The following TRIM27 variants were observed in gnomAD, a reference collection of about 807,000 sequenced individuals.
TRIM27 encodes the protein zinc finger protein RFP.
In TRIM27, 12 loss-of-function variants were observed where a neutral mutation model predicts 57.6. That is an observed-to-expected ratio of 0.21 (90% confidence interval 0.13 to 0.34). TRIM27 has a LOEUF of 0.34. Ranked by LOEUF, TRIM27 falls within the 10% of genes least tolerant of loss-of-function variation. The pLI is 1.00. For missense variants in TRIM27, 403 were observed against 656.8 expected, an observed-to-expected ratio of 0.61 and a Z score of 4.22; for synonymous variants, 266 against 259.0, an observed-to-expected ratio of 1.03 and a Z score of -0.26.
Position 28,923,284 on chromosome 6 carries a change from C to T in TRIM27, c.349G>A (p.Val117Met). ...CGGTGCTCGCGGGAGCGGTCGCACACCACGCAGATGGGCATCTGGTCCTCC... is the reference window on the plus strand; with the variant it reads ...CGGTGCTCGCGGGAGCGGTCGCACATCACGCAGATGGGCATCTGGTCCTCC... The part of the protein sequence containing the change: ...CEEDQMPICV[V>M]CDRSREHRGH... Residue 117 changes from valine to methionine, a missense_variant, in exon 1 of 8, where the codon GTG becomes ATG. Coordinates refer to ENST00000377199, the MANE Select transcript of TRIM27 (RefSeq NM_006510.5). 1 of 1,611,638 alleles carries T rather than the reference C, an allele frequency of 6.2e-7. No homozygotes were observed. The highest frequency in any genetic ancestry group is 8.5e-7 in the Non-Finnish European group (1 of 1,179,404).
At chr6:28,908,928 T>C (rs1481806220) in intron 5 of TRIM27, 45 bp downstream of exon 5, 2 of 1,598,032 alleles carry the variant, frequency 1.3e-6, no homozygotes, top group Non-Finnish European at 1.7e-6. Context: ...ATGCAGATAC[T>C]CAGTATAAAT....
At chr6:28,909,913 T>C (rs1483595789) in intron 4 of TRIM27, among the ~76,000 whole-genome samples, 4 of 152,126 alleles carry the variant, frequency 2.6e-5, no homozygotes, top group Non-Finnish European at 5.9e-5. Flanking sequence ...AGATGTGACC[T>C]TGTGACTAAG....
chr6:28,920,442 C>A (rs1773936117), intron 2 of TRIM27, among the ~76,000 whole-genome samples, 200 bp from the exon 3 acceptor site: 1 of 152,064 alleles, frequency 6.6e-6, no homozygotes, highest in Non-Finnish European at 1.5e-5. Flanking sequence ...AAGACATAGT[C>A]CCTGTTCTCA....
chr6:28,919,245 T>C (rs115060784), intron 3 of TRIM27, among the ~76,000 whole-genome samples: 7,738 of 152,100 alleles, frequency 0.051, 290 homozygotes, highest in African/African-American at 0.094. Context: ...TCCTAGACCT[T>C]GTGATCCACC....
intron 3 of TRIM27, among the ~76,000 whole-genome samples, chr6:28,919,090 T>C (rs1284920015): frequency 1.3e-5 from 2 of 151,994 alleles, no homozygotes; most frequent in Non-Finnish European, 2.9e-5. Context: ...CTTGGCTCAC[T>C]GCAACCACTT....
intron 3 of TRIM27, among the ~76,000 whole-genome samples, chr6:28,918,296 C>A (rs1773764571): frequency 6.6e-6 from 1 of 152,156 alleles, no homozygotes; most frequent in Non-Finnish European, 1.5e-5. Context: ...ATTACAACCC[C>A]TTAACAGTTG....
intron 2 of TRIM27, among the ~76,000 whole-genome samples, chr6:28,920,462 G>A (rs1022699743): frequency 2.0e-5 from 3 of 152,170 alleles, no homozygotes; most frequent in Non-Finnish European, 4.4e-5. Context: ...AAGCAACTCA[G>A]AGAAGTGAGT....
intron 4 of TRIM27, among the ~76,000 whole-genome samples, chr6:28,909,347 T>C (rs1235101074): frequency 6.6e-6 from 1 of 152,182 alleles, no homozygotes; most frequent in Non-Finnish European, 1.5e-5. Flanking sequence ...CCTCAGGTGA[T>C]CCTCCCGCCT....
chr6:28,903,761 C>A lies in TRIM27; in HGVS notation c.*309G>T. The A allele has an allele frequency of 2.6e-6, 1 of 382,548 alleles. No homozygotes were observed. The highest frequency in any genetic ancestry group is 4.7e-6 in the Non-Finnish European group (1 of 212,944). The allele number at this position is 382,548 out of a possible 1,614,324, so 23.7% of individuals were successfully genotyped here. A position where few individuals can be genotyped will look rare whatever the true frequency, so the allele number is the denominator to read the frequency against. ...GCCAAGAAGCTGGAAGTATCTTGAACGGCTCTCCAAATCCAAAGATTATCC... is the reference window on the plus strand; with the variant it reads ...GCCAAGAAGCTGGAAGTATCTTGAAAGGCTCTCCAAATCCAAAGATTATCC... On this transcript the variant is annotated 3_prime_UTR_variant, in exon 8 of 8. Coordinates refer to ENST00000377199, the MANE Select transcript of TRIM27 (RefSeq NM_006510.5).
rs531967837 is a variant in TRIM27 at position 28,903,872 on chromosome 6, T to C, written c.*198A>G. On this transcript the variant is annotated 3_prime_UTR_variant, in exon 8 of 8. Transcript: ENST00000377199. Reference sequence around the variant, plus strand: ...ATCTGGTTTTTATTTCTAGGATATCTTGATACATCTCATTACATTTCACAA... The same window carrying C: ...ATCTGGTTTTTATTTCTAGGATATCCTGATACATCTCATTACATTTCACAA... 222 of 583,702 alleles carry C rather than the reference T, an allele frequency of 3.8e-4. No homozygotes were observed. In the African/African-American group the frequency reaches 3.9e-3, roughly 10 times the overall value. 36.2% of individuals were successfully genotyped at this position (583,702 alleles called of 1,614,324 possible). A position where few individuals can be genotyped will look rare whatever the true frequency, so the allele number is the denominator to read the frequency against.
At chr6:28,913,305 G>C (rs1252400223) in intron 3 of TRIM27, among the ~76,000 whole-genome samples, 6 of 148,244 alleles carry the variant, frequency 4.0e-5, no homozygotes, top group African/African-American at 1.5e-4. Context: ...GTATGTATAT[G>C]TGTGTGTATA....
chr6:28,916,202 G>A lies in TRIM27; in HGVS notation c.747+3810C>T, dbSNP rs528221496. On this transcript the variant is annotated intron_variant, in intron 3 of 7. Coordinates refer to ENST00000377199, the MANE Select transcript of TRIM27 (RefSeq NM_006510.5). Reference sequence around the variant, plus strand: ...AGTGCTGGGATTACAGGCGTGAGCCGCCGCGCCTGGCCAGTACTGAAACAT... The same window carrying A: ...AGTGCTGGGATTACAGGCGTGAGCCACCGCGCCTGGCCAGTACTGAAACAT... 1.9e-3 allele frequency among the ~76,000 whole-genome samples: 290 copies of A among 152,092 alleles called. 4 individuals carry two copies. The highest frequency in any genetic ancestry group is 6.6e-3 in the African/African-American group (274 of 41,538).
At chr6:28,922,341 C>T (rs550986291) in intron 1 of TRIM27, among the ~76,000 whole-genome samples, 1 of 152,328 alleles carries the variant, frequency 6.6e-6, no homozygotes, top group African/African-American at 2.4e-5. Flanking sequence ...TATTGTAGCT[C>T]TTCCATATAG....
At chr6:28,919,744 G>A (rs578124719) in intron 3 of TRIM27, among the ~76,000 whole-genome samples, 1 of 152,226 alleles carries the variant, frequency 6.6e-6, no homozygotes, top group Non-Finnish European at 1.5e-5. Context: ...CCTGTAATCA[G>A]ACCACTTGTC....
Position 28,903,769 on chromosome 6 carries a change from C to CGTATCATT in TRIM27, c.*300_*301insAATGATAC. 1.2e-5 allele frequency: 5 copies of CGTATCATT among 400,756 alleles called. No homozygotes were observed. Among genetic ancestry groups the CGTATCATT allele is most frequent in the South Asian group, 1.2e-4 (2 of 16,288 alleles). The allele number at this position is 400,756 out of a possible 1,614,324, so 24.8% of individuals were successfully genotyped here. On this transcript the variant is annotated 3_prime_UTR_variant, in exon 8 of 8. Transcript: ENST00000377199. ...GCTGGAAGTATCTTGAACGGCTCTC[C>CGTATCATT]AAATCCAAAGATTATCCATACTCTT...
At position 28,923,931 on chromosome 6, in the gene TRIM27, G is replaced by C. The variant is rs2150498819; in HGVS notation, c.-299C>G. The C allele has an allele frequency of 5.0e-6, 2 of 397,374 alleles. No homozygotes were observed. The highest frequency in any genetic ancestry group is 8.0e-5 in the South Asian group (1 of 12,522). 24.6% of individuals were successfully genotyped at this position (397,374 alleles called of 1,614,324 possible). ...GAGGGTCAGAGTCCCAGGGCCAGGCGGGCAAAGCGCGCAAGACAACGTGGC... is the reference window on the plus strand; with the variant it reads ...GAGGGTCAGAGTCCCAGGGCCAGGCCGGCAAAGCGCGCAAGACAACGTGGC... On this transcript the variant is annotated 5_prime_UTR_variant, in exon 1 of 8. Transcript: ENST00000377199.
At chr6:28,909,944 G>C (rs575132351) in intron 4 of TRIM27, among the ~76,000 whole-genome samples, 92 of 152,176 alleles carry the variant, frequency 6.0e-4, no homozygotes, top group Admixed American at 7.9e-4. Context: ...TGAGAAGTAA[G>C]ACGTATCTCA....
chr6:28,923,754 C>A lies in TRIM27; in HGVS notation c.-122G>T. On this transcript the variant is annotated 5_prime_UTR_variant, in exon 1 of 8. Coordinates refer to ENST00000377199, the MANE Select transcript of TRIM27 (RefSeq NM_006510.5). ...GAGGCACCGGGCGGACGGAGGGCGG[C>A]GCCTCCCGGGCCCGTATCCCAGACG... The A allele has an allele frequency of 8.7e-7, 1 of 1,153,170 alleles. No individual in the cohort carries two copies. The highest frequency in any genetic ancestry group is 1.2e-6 in the Non-Finnish European group (1 of 846,686). The allele number at this position is 1,153,170 out of a possible 1,614,324, so 71.4% of individuals were successfully genotyped here. A position where few individuals can be genotyped will look rare whatever the true frequency, so the allele number is the denominator to read the frequency against.
chr6:28,903,703 T>C lies in TRIM27; in HGVS notation c.*367A>G, dbSNP rs1002082236. 1 of 291,918 alleles carries C rather than the reference T, an allele frequency of 3.4e-6. No individual in the cohort carries two copies. The highest frequency in any genetic ancestry group is 6.4e-6 in the Non-Finnish European group (1 of 155,570). 18.1% of individuals were successfully genotyped at this position (291,918 alleles called of 1,614,324 possible). On this transcript the variant is annotated 3_prime_UTR_variant, in exon 8 of 8. Coordinates refer to ENST00000377199, the MANE Select transcript of TRIM27 (RefSeq NM_006510.5). ...AATGACAGCAAATAGCCATAATCAT[T>C]ATGTGGGGCTGAACCAGAGGAAGCC... is the stretch of plus-strand genomic sequence containing the variant.
Sources: allele counts gnomAD v4.1 joint callset (sites outside exome capture counted in the v4.1 genomes callset), GRCh38; gene constraint gnomAD v4.1.1; transcripts MANE v1.5; gene names NCBI Gene and HGNC (gene_info 2026-07-23, HGNC 2026-07-21).